The following PXDNL variants were observed in gnomAD, a reference collection of about 807,000 sequenced individuals.
PXDNL encodes the protein probable oxidoreductase PXDNL.
In PXDNL, 145 loss-of-function variants were observed where a neutral mutation model predicts 150.8. The ratio of observed to expected loss-of-function variants is 0.96; its 90% CI spans 0.84 to 1.10. PXDNL has a LOEUF of 1.10. PXDNL is among the 50% of genes least tolerant of loss of function. PXDNL has a pLI of 0.00. For missense variants in PXDNL, 2,087 were observed against 1,873.9 expected (o/e 1.11, Z -2.10); for synonymous variants, 757 against 725.7 (o/e 1.04, Z -0.69).
chr8:51,525,916 AAG>A (rs1343814581), intron 4 of PXDNL, among the ~76,000 whole-genome samples: 3 of 152,212 alleles, frequency 2.0e-5, no homozygotes, highest in Non-Finnish European at 4.4e-5. Flanking sequence ...GCAAATAAGA[AAG>A]AGGAAAACCC....
intron 19 of PXDNL, among the ~76,000 whole-genome samples, chr8:51,348,268 T>A (rs1806223190): frequency 6.6e-6 from 1 of 152,168 alleles, no homozygotes; most frequent in Admixed American, 6.5e-5. Flanking sequence ...AGATGAAGCT[T>A]TAGAATTTAT....
intron 4 of PXDNL, among the ~76,000 whole-genome samples, chr8:51,551,090 C>T (rs1218499758): frequency 6.6e-6 from 1 of 151,500 alleles, no homozygotes; most frequent in Non-Finnish European, 1.5e-5. Flanking sequence ...AACAAACAAA[C>T]AAACAAAAAC....
chr8:51,408,725 G>A lies in PXDNL; in HGVS notation c.2899C>T (p.Leu967=). The A allele has an allele frequency of 1.3e-6, 2 of 1,592,268 alleles. No homozygotes were observed. The highest frequency in any genetic ancestry group is 1.7e-6 in the Non-Finnish European group (2 of 1,169,214). ...AACCACAGGGTGTGCATGGCGGCCAGAGCCAGATGCTCGTTGGCCCGGTGG... is the reference window on the plus strand; with the variant it reads ...AACCACAGGGTGTGCATGGCGGCCAAAGCCAGATGCTCGTTGGCCCGGTGG... ...GDHRANEHLA[L]AAMHTLWFRE... The change falls in exon 17 of 23, where the codon CTG becomes TTG. Residue 967 remains leucine (L), a synonymous_variant. Coordinates refer to ENST00000356297, the MANE Select transcript of PXDNL (RefSeq NM_144651.5).
Position 51,409,175 on chromosome 8 carries a change from T to G in PXDNL, c.2449A>C (p.Thr817Pro). ...GWFLEHDLDHTVPALSTARFS... is the reference protein window; with the variant it reads ...GWFLEHDLDHPVPALSTARFS... ...CGGGCTGTGCTCAGCGCAGGCACTG[T>G]GTGGTCCAAGTCGTGCTCTAGAAAC... The change falls in exon 17 of 23, where the codon ACA (threonine) becomes CCA (proline). Residue 817 changes from threonine (T) to proline (P), a missense_variant. Coordinates refer to ENST00000356297, the MANE Select transcript of PXDNL (RefSeq NM_144651.5). 6.3e-7 allele frequency: 1 copy of G among 1,598,234 alleles called. No individual in the cohort carries two copies. Among genetic ancestry groups the G allele is most frequent in the Non-Finnish European group, 8.5e-7 (1 of 1,176,578 alleles).
Position 51,411,345 on chromosome 8 carries a change from A to G in PXDNL, c.1967T>C (p.Val656Ala). Residue 656 changes from valine (V) to alanine (A), a missense_variant, in exon 16 of 23, where the codon GTG becomes GCG. Physicochemically the swap from Val to Ala is moderately conservative, Grantham distance 64 (BLOSUM62 0). Coordinates refer to ENST00000356297, the MANE Select transcript of PXDNL (RefSeq NM_144651.5). ...AATCTCCCCTGCTCTTGCCATTTCC[A>G]CAATCAGTGGGTCACGCGGGTAATG... ...QFHYPRDPLIVEMARAGEIFE... is the reference protein window; with the variant it reads ...QFHYPRDPLIAEMARAGEIFE... 1 of 1,589,792 alleles carries G rather than the reference A, an allele frequency of 6.3e-7. No homozygotes were observed. The highest frequency in any genetic ancestry group is 8.5e-7 in the Non-Finnish European group (1 of 1,170,652).
chr8:51,711,584 A>C (rs73580289), intron 1 of PXDNL, among the ~76,000 whole-genome samples: 1 of 152,236 alleles, frequency 6.6e-6, no homozygotes, highest in Non-Finnish European at 1.5e-5. Context: ...GAAATAATAC[A>C]TGGTTGGGAA....
At chr8:51,430,274 C>T (rs973528477) in intron 12 of PXDNL, among the ~76,000 whole-genome samples, 6 of 152,144 alleles carry the variant, frequency 3.9e-5, no homozygotes, top group African/African-American at 1.4e-4. Context: ...TCCTGTTGAC[C>T]AACAATCTTC....
intron 2 of PXDNL, among the ~76,000 whole-genome samples, chr8:51,623,300 T>C (rs1018285564): frequency 6.6e-6 from 1 of 152,186 alleles, no homozygotes; most frequent in Non-Finnish European, 1.5e-5. Context: ...GGTAGCCTTG[T>C]TTCACCCAAC....
At chr8:51,556,297 A>G (rs1812598832) in intron 4 of PXDNL, among the ~76,000 whole-genome samples, 1 of 152,060 alleles carries the variant, frequency 6.6e-6, no homozygotes, top group Non-Finnish European at 1.5e-5. Context: ...TAATTATAAT[A>G]CAGACTCATA....
chr8:51,637,422 G>A (rs547737530), intron 2 of PXDNL, among the ~76,000 whole-genome samples: 9 of 152,220 alleles, frequency 5.9e-5, no homozygotes, highest in Admixed American at 1.3e-4. Context: ...GACTAAGTTC[G>A]AACCCATCGC....
At chr8:51,665,349 C>T (rs1815362460) in intron 1 of PXDNL, among the ~76,000 whole-genome samples, 1 of 152,160 alleles carries the variant, frequency 6.6e-6, no homozygotes, top group Admixed American at 6.5e-5. Context: ...CATAATGATG[C>T]TCAGTACTAA....
chr8:51,325,202 C>T (rs933680741), intron 21 of PXDNL, among the ~76,000 whole-genome samples: 4 of 152,184 alleles, frequency 2.6e-5, no homozygotes, highest in Non-Finnish European at 4.4e-5. Flanking sequence ...AACTGCAACA[C>T]CTCTATCACT....
At position 51,807,179 on chromosome 8, in the gene PXDNL, T is replaced by C. The variant is rs370083388; in HGVS notation, c.164+2002A>G. Among the ~76,000 whole-genome samples the C allele has an allele frequency of 5.3e-5, 8 of 152,322 alleles. No individual in the cohort carries two copies. In the East Asian group the frequency reaches 1.3e-3, roughly 26 times the overall value. On this transcript the variant is annotated intron_variant, in intron 1 of 22. Transcript: ENST00000356297. ...AAAGAAAAGAGGTTTAATTGGTTCATGGTTCTGCAGGCTGTACAAGAAGTA... is the reference window on the plus strand; with the variant it reads ...AAAGAAAAGAGGTTTAATTGGTTCACGGTTCTGCAGGCTGTACAAGAAGTA...
intron 1 of PXDNL, among the ~76,000 whole-genome samples, chr8:51,712,051 C>G (rs900064660): frequency 1.3e-5 from 2 of 152,074 alleles, no homozygotes; most frequent in Admixed American, 1.3e-4. Flanking sequence ...GTTTAAATAG[C>G]AGGGAAGAAA....
intron 5 of PXDNL, among the ~76,000 whole-genome samples, chr8:51,488,968 A>G (rs191192525): frequency 6.6e-6 from 1 of 152,346 alleles, no homozygotes; most frequent in Non-Finnish European, 1.5e-5. Context: ...GTTTCTATAG[A>G]AGACAAATCG....
At chr8:51,415,442 A>T (rs1050511293) in intron 14 of PXDNL, among the ~76,000 whole-genome samples, 4 of 152,154 alleles carry the variant, frequency 2.6e-5, no homozygotes, top group African/African-American at 9.7e-5. Flanking sequence ...CAGGAGAGAG[A>T]GCAAAGGGAG....
At chr8:51,774,072 G>A (rs1003174902) in intron 1 of PXDNL, among the ~76,000 whole-genome samples, 1 of 152,174 alleles carries the variant, frequency 6.6e-6, no homozygotes, top group African/African-American at 2.4e-5. Flanking sequence ...TGAAATGAAT[G>A]TTTTTATTCA....
intron 4 of PXDNL, among the ~76,000 whole-genome samples, chr8:51,551,177 G>A (rs1812473719): frequency 6.6e-6 from 1 of 152,088 alleles, no homozygotes; most frequent in African/African-American, 2.4e-5. Context: ...AGAAATCATA[G>A]ATGACACAAA....
At chr8:51,608,457 G>A (rs115744023) in intron 2 of PXDNL, among the ~76,000 whole-genome samples, 1 of 148,202 alleles carries the variant, frequency 6.7e-6, no homozygotes, top group African/African-American at 2.6e-5. Flanking sequence ...GATGTCATCA[G>A]GCTCATCTCA....
Sources: gnomAD v4.1 joint callset for allele counts (sites outside exome capture counted in the v4.1 genomes callset) on GRCh38, gnomAD v4.1.1 for gene constraint, MANE v1.5 for transcripts, NCBI Gene and HGNC (gene_info 2026-07-23, HGNC 2026-07-21) for gene names.